The following SNX13 variants were observed in gnomAD, a reference collection of about 807,000 sequenced individuals.
The protein encoded by SNX13 is sorting nexin 13, also known as sorting nexin-13.
Under a neutral mutation model 133.6 loss-of-function variants are expected in SNX13, and 45 were observed. That is an observed-to-expected ratio of 0.34 (90% CI 0.27 to 0.43). SNX13 has a LOEUF of 0.43. Ranked by LOEUF, SNX13 falls within the 20% of genes least tolerant of loss-of-function variation. The probability of loss-of-function intolerance (pLI) is 1.00; values close to 1 mark genes in which losing one functional copy is unlikely to be tolerated. For synonymous variants in SNX13, 414 were observed against 373.9 expected (o/e 1.11, Z -1.24); for missense variants, 1,032 against 1,145.1 (o/e 0.90, Z 1.43).
At chr7:17,801,501 T>A in intron 22 of SNX13, 87 bp downstream of exon 22, 1 of 942,136 alleles carries the variant, frequency 1.1e-6, no homozygotes, top group Non-Finnish European at 1.6e-6. Flanking sequence ...TGCACATTAA[T>A]GATACATAGA....
intron 20 of SNX13, among the ~76,000 whole-genome samples, chr7:17,813,458 C>G (rs1786288994): frequency 6.6e-6 from 1 of 152,162 alleles, no homozygotes; most frequent in African/African-American, 2.4e-5. Flanking sequence ...AAAACACTAA[C>G]TTAGAAATGT....
chr7:17,854,803 A>G (rs1368556969), intron 9 of SNX13, among the ~76,000 whole-genome samples: 1 of 152,192 alleles, frequency 6.6e-6, no homozygotes, highest in Admixed American at 6.5e-5. Flanking sequence ...CATTGAAGTT[A>G]GAACAGTTAG....
intron 20 of SNX13, among the ~76,000 whole-genome samples, chr7:17,806,989 C>T (rs996587302): frequency 8.5e-5 from 13 of 152,170 alleles, no homozygotes; most frequent in South Asian, 2.1e-4. Context: ...CCGGTGCCTC[C>T]GCCACCACGG....
intron 22 of SNX13, among the ~76,000 whole-genome samples, chr7:17,800,926 T>C (rs1382940266): frequency 1.3e-5 from 2 of 149,952 alleles, no homozygotes; most frequent in Non-Finnish European, 3.0e-5. Context: ...TGTAGAACAC[T>C]GGAACTCTCA....
At chr7:17,890,105 G>A in intron 5 of SNX13, 1 of 280,900 alleles carries the variant, frequency 3.6e-6, no homozygotes. Flanking sequence ...CACCTGATTT[G>A]GACCCTAAAG....
chr7:17,867,375 G>A (rs890212710), intron 9 of SNX13, among the ~76,000 whole-genome samples: 72 of 152,290 alleles, frequency 4.7e-4, no homozygotes, highest in African/African-American at 1.6e-3. Flanking sequence ...GGGAGGCTGA[G>A]GCAGGCAGAT....
chr7:17,890,322 C>T (rs747599201), intron 5 of SNX13, 41 bp downstream of exon 5: 2 of 1,588,640 alleles, frequency 1.3e-6, no homozygotes, highest in Non-Finnish European at 1.7e-6. Context: ...ACAAACCATA[C>T]ATCTAAATTT....
chr7:17,931,497 G>A (rs895489067), intron 1 of SNX13, among the ~76,000 whole-genome samples: 2 of 152,236 alleles, frequency 1.3e-5, no homozygotes, highest in East Asian at 1.9e-4. Context: ...ACTCTAGCTC[G>A]AAAATAAAAG....
chr7:17,856,545 C>G (rs1791903141), intron 9 of SNX13, among the ~76,000 whole-genome samples: 1 of 152,052 alleles, frequency 6.6e-6, no homozygotes, highest in African/African-American at 2.4e-5. Context: ...GTAATCCCAG[C>G]ACTTTGGGAG....
chr7:17,926,367 A>T (rs1287943177), intron 1 of SNX13, among the ~76,000 whole-genome samples: 2 of 152,148 alleles, frequency 1.3e-5, no homozygotes, highest in African/African-American at 4.8e-5. Flanking sequence ...ATTCTGGCTT[A>T]AAAAAAGGTA....
chr7:17,908,643 AT>A, intron 1 of SNX13, among the ~76,000 whole-genome samples: 1 of 152,208 alleles, frequency 6.6e-6, no homozygotes, highest in African/African-American at 2.4e-5. Flanking sequence ...AGCTTCTTTC[AT>A]TCATTCACTA....
intron 24 of SNX13, among the ~76,000 whole-genome samples, chr7:17,797,142 C>T (rs2128283080): frequency 6.6e-6 from 1 of 151,702 alleles, no homozygotes; most frequent in South Asian, 2.1e-4. Flanking sequence ...AAAACGAACA[C>T]AAGAAAAATA....
chr7:17,922,770 A>G (rs978373345), intron 1 of SNX13, among the ~76,000 whole-genome samples: 1 of 152,132 alleles, frequency 6.6e-6, no homozygotes, highest in Non-Finnish European at 1.5e-5. Flanking sequence ...AAAAAAAGAT[A>G]AAGAGAAAAT....
chr7:17,900,864 T>C (rs1225993493), intron 1 of SNX13, among the ~76,000 whole-genome samples: 1 of 152,074 alleles, frequency 6.6e-6, no homozygotes, highest in Non-Finnish European at 1.5e-5. Context: ...CCCTCTCCTT[T>C]TCTCAAACAG....
chr7:17,894,084 T>C (rs901304168), intron 2 of SNX13, among the ~76,000 whole-genome samples: 1 of 149,714 alleles, frequency 6.7e-6, no homozygotes, highest in Admixed American at 6.7e-5. Flanking sequence ...AGGTGGCTCA[T>C]CTGAGGTCAG....
intron 1 of SNX13, among the ~76,000 whole-genome samples, chr7:17,937,409 G>C (rs1802227257): frequency 1.3e-5 from 2 of 151,508 alleles, no homozygotes. Flanking sequence ...AGCTGCTTGG[G>C]AGGCTGAAGC....
intron 9 of SNX13, among the ~76,000 whole-genome samples, chr7:17,856,799 A>G (rs1181055628): frequency 2.0e-5 from 3 of 150,208 alleles, no homozygotes; most frequent in African/African-American, 7.3e-5. Flanking sequence ...AAAAAAAAAA[A>G]AAAAGAAAGA....
chr7:17,799,727 T>C (rs1389605050), intron 22 of SNX13, among the ~76,000 whole-genome samples: 5 of 151,780 alleles, frequency 3.3e-5, no homozygotes, highest in Non-Finnish European at 7.4e-5. Flanking sequence ...TTTTAGCTTT[T>C]AGCAAATAAA....
At chr7:17,854,057 C>G (rs1461280999) in intron 9 of SNX13, among the ~76,000 whole-genome samples, 1 of 151,912 alleles carries the variant, frequency 6.6e-6, no homozygotes, top group Non-Finnish European at 1.5e-5. Context: ...AAATTTGTAC[C>G]TACAAAAAAG....
Sources: gnomAD v4.1 joint callset for allele counts (sites outside exome capture counted in the v4.1 genomes callset) on GRCh38, gnomAD v4.1.1 for gene constraint, MANE v1.5 for transcripts, NCBI Gene and HGNC (gene_info 2026-07-23, HGNC 2026-07-21) for gene names.